The following SCMH1 variants were observed in gnomAD, a reference collection of about 807,000 sequenced individuals.
SCMH1 encodes polycomb protein SCMH1.
SCMH1 carries 37 observed loss-of-function variants against 70.8 expected under a neutral mutation model. The observed-to-expected ratio is 0.52, with a 90% CI of 0.40 to 0.69. The LOEUF is 0.69. Among genes scored for constraint, SCMH1 ranks in the 30% least tolerant of loss-of-function variants. SCMH1 has a pLI of 0.00. For synonymous variants in SCMH1, 292 were observed against 307.4 expected (o/e 0.95, Z 0.52); for missense variants, 607 against 827.3 (o/e 0.73, Z 3.27).
intron 1 of SCMH1, among the ~76,000 whole-genome samples, chr1:41,188,000 A>T (rs1650715131): frequency 6.6e-6 from 1 of 152,088 alleles, no homozygotes; most frequent in African/African-American, 2.4e-5. Context: ...ATAAATAAAT[A>T]AAAATAAACA....
rs1022412329 is a variant in SCMH1 at position 41,106,711 on chromosome 1, A to T, written c.745+6572T>A. 9.2e-5 allele frequency among the ~76,000 whole-genome samples: 14 copies of T among 151,676 alleles called. 1 individual carries two copies. The highest frequency in any genetic ancestry group is 3.4e-4 in the African/African-American group (14 of 41,112). On this transcript the variant is annotated intron_variant, in intron 8 of 14. Coordinates refer to ENST00000337495, the Ensembl canonical transcript of SCMH1. ...CTTTTTTCCTTTTTCTTTTTTTGAG[A>T]TGGAGTCTCACTCTGTCACCCAGGC... is the stretch of plus-strand genomic sequence containing the variant.
intron 10 of SCMH1, among the ~76,000 whole-genome samples, chr1:41,054,095 C>T (rs1466003765): frequency 3.3e-5 from 5 of 152,070 alleles, no homozygotes; most frequent in Middle Eastern, 3.2e-3. Flanking sequence ...CCGCCTGCCT[C>T]GGCCTCCCAA....
In SCMH1 at chr1:41,142,848, G is replaced by A; in HGVS notation, c.412+30C>T. ...TTTGGACGCTAACTATTAATAATTG[G>A]CTAGAAAGAGTTTGGGTTTACTTAC... On this transcript the variant is annotated intron_variant, in intron 6 of 14. Coordinates refer to ENST00000337495, the Ensembl canonical transcript of SCMH1. The A allele has an allele frequency of 3.8e-6, 6 of 1,563,028 alleles. No homozygotes were observed. The South Asian group carries it at 6.7e-5, about 17-fold the overall frequency.
intron 1 of SCMH1, among the ~76,000 whole-genome samples, chr1:41,238,714 C>T (rs1183301894): frequency 6.6e-6 from 1 of 152,200 alleles, no homozygotes; most frequent in African/African-American, 2.4e-5. Context: ...ATTTTAGCTA[C>T]CCATACACAG....
At chr1:41,239,490 A>G (rs1663065306) in intron 1 of SCMH1, among the ~76,000 whole-genome samples, 1 of 152,190 alleles carries the variant, frequency 6.6e-6, no homozygotes, top group Non-Finnish European at 1.5e-5. Context: ...CGTAGTTCTC[A>G]TCTTTTATTC....
intron 8 of SCMH1, among the ~76,000 whole-genome samples, chr1:41,103,538 T>C (rs935136675): frequency 6.6e-6 from 1 of 152,188 alleles, no homozygotes; most frequent in Non-Finnish European, 1.5e-5. Context: ...ATTTTGTAAA[T>C]TGATATGTAT....
chr1:41,137,527 T>C (rs892800351), intron 6 of SCMH1, among the ~76,000 whole-genome samples: 1 of 152,256 alleles, frequency 6.6e-6, no homozygotes, highest in African/African-American at 2.4e-5. Flanking sequence ...TTGACCTGTC[T>C]TGCCTTGAAA....
chr1:41,235,592 AAAAAG>A (rs1557889791), intron 1 of SCMH1, among the ~76,000 whole-genome samples: 2 of 147,832 alleles, frequency 1.4e-5, no homozygotes, highest in African/African-American at 5.2e-5. Context: ...AAAAAAAAAA[AAAAAG>A]AAAAGTTCAG....
intron 10 of SCMH1, among the ~76,000 whole-genome samples, chr1:41,050,861 T>G (rs1050682117): frequency 2.0e-4 from 30 of 152,156 alleles, no homozygotes; most frequent in African/African-American, 7.2e-4. Flanking sequence ...GTGAGGGGGA[T>G]CTAATAAAAG....
chr1:41,034,401 C>T (rs573438323), intron 13 of SCMH1, among the ~76,000 whole-genome samples: 1 of 151,536 alleles, frequency 6.6e-6, no homozygotes, highest in Non-Finnish European at 1.5e-5. Flanking sequence ...GATCTCGGCT[C>T]ACTGCAAACT....
intron 1 of SCMH1, among the ~76,000 whole-genome samples, chr1:41,208,879 A>G (rs1313778716): frequency 6.6e-6 from 1 of 152,344 alleles, no homozygotes; most frequent in East Asian, 1.9e-4. Context: ...AAATAAGATC[A>G]GAGCAGAACT....
chr1:41,201,278 C>T (rs1289949609), intron 1 of SCMH1, among the ~76,000 whole-genome samples: 1 of 152,118 alleles, frequency 6.6e-6, no homozygotes, highest in Non-Finnish European at 1.5e-5. Flanking sequence ...GAATTACAAA[C>T]TTGAGGGTAA....
chr1:41,235,886 GTTAT>G (rs1266741823), intron 1 of SCMH1, among the ~76,000 whole-genome samples: 1 of 152,018 alleles, frequency 6.6e-6, no homozygotes, highest in Non-Finnish European at 1.5e-5. Context: ...CATTCAACCT[GTTAT>G]TTGTGAGATT....
intron 9 of SCMH1, among the ~76,000 whole-genome samples, 157 bp downstream of exon 9, chr1:41,075,062 T>C (rs1013394964): frequency 4.6e-5 from 7 of 152,066 alleles, no homozygotes; most frequent in African/African-American, 1.7e-4. Context: ...TGGGGTTTCA[T>C]CGTGTTAGCC....
chr1:41,241,799 G>T (rs1449744292), intron 1 of SCMH1, among the ~76,000 whole-genome samples: 1 of 151,840 alleles, frequency 6.6e-6, no homozygotes, highest in Non-Finnish European at 1.5e-5. Flanking sequence ...TCAGGGCCGC[G>T]ACCGGACCGT....
intron 2 of SCMH1, among the ~76,000 whole-genome samples, chr1:41,179,096 C>T (rs1572870855): frequency 1.3e-5 from 2 of 152,118 alleles, no homozygotes; most frequent in African/African-American, 4.8e-5. Context: ...CAAAACCGCT[C>T]AACTACATGG....
intron 2 of SCMH1, among the ~76,000 whole-genome samples, chr1:41,171,091 C>T (rs1646752844): frequency 6.6e-6 from 1 of 152,198 alleles, no homozygotes; most frequent in Non-Finnish European, 1.5e-5. Context: ...CATAGACTTC[C>T]ACTTACCAAG....
chr1:41,161,545 C>A, intron 2 of SCMH1, 113 bp from the exon 3 acceptor site: 1 of 1,195,348 alleles, frequency 8.4e-7, no homozygotes, highest in East Asian at 2.9e-5. Context: ...TTCCGAGATT[C>A]TATGCTAAGG....
At chr1:41,147,827 C>T (rs1644720629) in intron 5 of SCMH1, among the ~76,000 whole-genome samples, 1 of 152,100 alleles carries the variant, frequency 6.6e-6, no homozygotes, top group Non-Finnish European at 1.5e-5. Context: ...TAGCTAATGT[C>T]AGCATGGTAC....
Sources: gnomAD v4.1 joint callset for allele counts (sites outside exome capture counted in the v4.1 genomes callset) on GRCh38, gnomAD v4.1.1 for gene constraint, MANE v1.5 for transcripts, NCBI Gene and HGNC (gene_info 2026-07-23, HGNC 2026-07-21) for gene names.